The following CSNK2A2 variants were observed in gnomAD, a reference collection of about 807,000 sequenced individuals.
CSNK2A2 encodes casein kinase II subunit alpha'.
In CSNK2A2, 8 loss-of-function variants were observed where a neutral mutation model predicts 54.0. The ratio of observed to expected loss-of-function variants is 0.15; its 90% CI spans 0.09 to 0.27. The LOEUF is 0.27. CSNK2A2 is among the 10% of genes least tolerant of loss of function. The pLI is 1.00. For missense variants in CSNK2A2, 242 were observed against 439.4 expected, an observed-to-expected ratio of 0.55 and a Z score of 4.02; for synonymous variants, 141 against 153.9, an observed-to-expected ratio of 0.92 and a Z score of 0.62.
chr16:58,164,025 T>C (rs1266793490), intron 11 of CSNK2A2, 29 bp downstream of exon 11: 1 of 1,563,940 alleles, frequency 6.4e-7, no homozygotes, highest in African/African-American at 1.4e-5. Context: ...GTTGGTTGGT[T>C]TTATTGGCAA....
chr16:58,166,781 C>A, intron 8 of CSNK2A2, 97 bp from the exon 9 acceptor site: 1 of 832,126 alleles, frequency 1.2e-6, no homozygotes, highest in Non-Finnish European at 2.0e-6. Context: ...TTCCACACCA[C>A]TAAACCTCTA....
In CSNK2A2 at chr16:58,174,438, G is replaced by A. The variant is rs1415012526; in HGVS notation, c.429+13C>T. 1.9e-6 allele frequency: 3 copies of A among 1,590,106 alleles called. No individual in the cohort carries two copies. The highest frequency in any genetic ancestry group is 2.6e-6 in the Non-Finnish European group (3 of 1,164,972). ...GGCCTGAAAAAAATTAATGGTTTAT[G>A]AACACCACTTACTTTAAGTAGTTCA... On this transcript the variant is annotated intron_variant, in intron 5 of 11. Coordinates refer to ENST00000262506, the MANE Select transcript of CSNK2A2 (RefSeq NM_001896.4).
intron 5 of CSNK2A2, among the ~76,000 whole-genome samples, chr16:58,169,200 A>AG (rs1961662176): frequency 6.6e-6 from 1 of 151,790 alleles, no homozygotes; most frequent in African/African-American, 2.4e-5. Flanking sequence ...TACTGGGATT[A>AG]CAGGTGTGAG....
At chr16:58,171,980 T>TATATATATATATATATATATA (rs1555505772) in intron 5 of CSNK2A2, among the ~76,000 whole-genome samples, 8 of 37,072 alleles carry the variant, frequency 2.2e-4, no homozygotes, top group African/African-American at 8.3e-4. Context: ...TATATATATA[T>TATATATATATATATATATATA]TTTTTTTTTT....
At chr16:58,166,967 C>G (rs1380101944) in intron 8 of CSNK2A2, among the ~76,000 whole-genome samples, 1 of 152,178 alleles carries the variant, frequency 6.6e-6, no homozygotes, top group East Asian at 1.9e-4. Flanking sequence ...TTTTATTAGA[C>G]AAGGAGGTGC....
intron 4 of CSNK2A2, among the ~76,000 whole-genome samples, chr16:58,178,818 T>G (rs921468874): frequency 1.3e-5 from 2 of 152,170 alleles, no homozygotes; most frequent in African/African-American, 4.8e-5. Context: ...CTGAACTAAA[T>G]TAACACACTT....
chr16:58,169,809 C>T (rs767766343), intron 5 of CSNK2A2, among the ~76,000 whole-genome samples: 15 of 152,030 alleles, frequency 9.9e-5, no homozygotes, highest in Non-Finnish European at 2.1e-4. Context: ...CCAGAACTTT[C>T]GGAGGCAGGC....
At chr16:58,166,129 C>T (rs1961555546) in intron 9 of CSNK2A2, among the ~76,000 whole-genome samples, 1 of 152,132 alleles carries the variant, frequency 6.6e-6, no homozygotes, top group Non-Finnish European at 1.5e-5. Context: ...AACATTATTG[C>T]AATGTACCTG....
intron 4 of CSNK2A2, among the ~76,000 whole-genome samples, chr16:58,182,554 C>CAAAAA (rs59002536): frequency 8.7e-5 from 7 of 80,638 alleles, no homozygotes; most frequent in Non-Finnish European, 1.3e-4. Context: ...GGCTCCGTCT[C>CAAAAA]AAAAAAAAAA....
At chr16:58,168,825 A>C in intron 5 of CSNK2A2, 132 bp from the exon 6 acceptor site, 2 of 650,042 alleles carry the variant, frequency 3.1e-6, no homozygotes. Flanking sequence ...CCTGTAATGA[A>C]AGAGAAAAAA....
chr16:58,176,107 CTG>C (rs1383338541), intron 4 of CSNK2A2, among the ~76,000 whole-genome samples: 3 of 152,364 alleles, frequency 2.0e-5, no homozygotes, highest in South Asian at 4.1e-4. Flanking sequence ...AGCTCCTCCT[CTG>C]TGAGTTAAGG....
intron 4 of CSNK2A2, among the ~76,000 whole-genome samples, chr16:58,182,374 CAAAAAAAA>C (rs71155249): frequency 1.0e-3 from 26 of 25,742 alleles, no homozygotes; most frequent in East Asian, 4.1e-3. Context: ...CTAAATATAC[CAAAAAAAA>C]AAAAAAAAAA....
chr16:58,196,523 G>A (rs909277251), intron 2 of CSNK2A2, among the ~76,000 whole-genome samples: 13 of 152,186 alleles, frequency 8.5e-5, no homozygotes, highest in African/African-American at 3.1e-4. Flanking sequence ...TTGGGAGGCT[G>A]AGATGGATCA....
At chr16:58,165,408 T>C (rs1961536014) in intron 10 of CSNK2A2, 152 bp downstream of exon 10, 4 of 684,182 alleles carry the variant, frequency 5.8e-6, no homozygotes, top group African/African-American at 1.8e-5. Flanking sequence ...ATCTGCAAAG[T>C]TGTCTCAATC....
intron 8 of CSNK2A2, 86 bp from the exon 9 acceptor site, chr16:58,166,770 C>T (rs1044849603): frequency 1.5e-5 from 14 of 904,674 alleles, no homozygotes; most frequent in Admixed American, 3.5e-5. Flanking sequence ...AATCAGAAGA[C>T]TTCCACACCA....
intron 4 of CSNK2A2, among the ~76,000 whole-genome samples, chr16:58,176,722 T>C (rs1187714027): frequency 2.0e-5 from 3 of 152,186 alleles, no homozygotes; most frequent in African/African-American, 7.2e-5. Context: ...GTCTGCTTTC[T>C]ACAGAGCTGA....
intron 11 of CSNK2A2, chr16:58,163,585 T>C (rs918982453): frequency 6.6e-6 from 1 of 152,192 alleles, no homozygotes; most frequent in African/African-American, 2.4e-5. Flanking sequence ...AAAAATACTG[T>C]CACTGTTTTA....
At chr16:58,183,374 T>C (rs1252269625) in intron 4 of CSNK2A2, among the ~76,000 whole-genome samples, 1 of 146,464 alleles carries the variant, frequency 6.8e-6, no homozygotes, top group Non-Finnish European at 1.5e-5. Flanking sequence ...CGAAACTCGA[T>C]CTCAAAAAAA....
At chr16:58,184,873 T>C (rs1173119562) in intron 3 of CSNK2A2, among the ~76,000 whole-genome samples, 1 of 152,154 alleles carries the variant, frequency 6.6e-6, no homozygotes, top group South Asian at 2.1e-4. Flanking sequence ...TAACCATCCG[T>C]GATATTATCA....
Sources: allele counts gnomAD v4.1 joint callset (sites outside exome capture counted in the v4.1 genomes callset), GRCh38; gene constraint gnomAD v4.1.1; transcripts MANE v1.5; gene names NCBI Gene and HGNC (gene_info 2026-07-23, HGNC 2026-07-21).